The following SEL1L variants were observed in gnomAD, a reference collection of about 807,000 sequenced individuals.
SEL1L encodes SEL1L adaptor subunit of SYVN1 ubiquitin ligase.
In SEL1L, 52 loss-of-function variants were observed where a neutral mutation model predicts 109.8. The observed-to-expected ratio is 0.47, with a 90% CI of 0.38 to 0.60. SEL1L has a LOEUF of 0.60. Ranked by LOEUF, SEL1L falls within the 20% of genes least tolerant of loss-of-function variation. The probability of loss-of-function intolerance (pLI) is 0.00; values close to 1 mark genes in which losing one functional copy is unlikely to be tolerated. For synonymous variants in SEL1L, 373 were observed against 339.6 expected (o/e 1.10, Z -1.08); for missense variants, 749 against 962.2 (o/e 0.78, Z 2.93).
intron 1 of SEL1L, among the ~76,000 whole-genome samples, chr14:81,531,062 T>A (rs1885301991): frequency 6.6e-6 from 1 of 152,178 alleles, no homozygotes; most frequent in Non-Finnish European, 1.5e-5. Flanking sequence ...GGTGAGTGAG[T>A]GAGTGAATGT....
At chr14:81,486,937 TG>T (rs1208193726) in intron 16 of SEL1L, among the ~76,000 whole-genome samples, 3 of 151,924 alleles carry the variant, frequency 2.0e-5, no homozygotes, top group African/African-American at 4.8e-5. Context: ...CATTCCTTTT[TG>T]GAACATTCAT....
intron 3 of SEL1L, among the ~76,000 whole-genome samples, chr14:81,515,140 T>C (rs1884648642): frequency 6.6e-6 from 1 of 152,014 alleles, no homozygotes; most frequent in African/African-American, 2.4e-5. Context: ...CAAAGAAATC[T>C]CCAAAGGACC....
At chr14:81,518,861 T>C (rs1195250004) in intron 3 of SEL1L, among the ~76,000 whole-genome samples, 3 of 152,088 alleles carry the variant, frequency 2.0e-5, no homozygotes, top group African/African-American at 7.2e-5. Flanking sequence ...AACTCTGCTA[T>C]AAAGATGCCT....
chr14:81,509,386 C>G (rs1227971175), intron 3 of SEL1L, among the ~76,000 whole-genome samples: 2 of 152,130 alleles, frequency 1.3e-5, no homozygotes, highest in African/African-American at 4.8e-5. Context: ...TAACCAGTAT[C>G]AAATCTGACA....
chr14:81,495,179 C>A (rs1440138477), intron 10 of SEL1L, 42 bp from the exon 11 acceptor site: 20 of 1,562,822 alleles, frequency 1.3e-5, no homozygotes, highest in Non-Finnish European at 1.8e-5. Context: ...GTGGTACCAT[C>A]TGGCACACAA....
intron 18 of SEL1L, 80 bp downstream of exon 18, chr14:81,485,589 GCTT>G: frequency 8.3e-7 from 1 of 1,207,520 alleles, no homozygotes; most frequent in East Asian, 2.3e-5. Context: ...ACAGTACTCG[GCTT>G]CATGATTTAA....
intron 3 of SEL1L, among the ~76,000 whole-genome samples, chr14:81,518,360 T>C (rs1003548324): frequency 6.6e-6 from 1 of 150,378 alleles, no homozygotes; most frequent in Non-Finnish European, 1.5e-5. Context: ...ATAGGTAAAA[T>C]GTGTTTTAAA....
chr14:81,477,081 A>G lies in SEL1L; in HGVS notation c.2276T>C (p.Ile759Thr). Residue 759 changes from isoleucine to threonine, a missense_variant, in exon 21 of 21, where the codon ATA becomes ACA. Physicochemically the swap from Ile to Thr is moderately conservative, Grantham distance 89. This residue lies in a region of SEL1L where 383 missense variants were observed against 562.5 expected (regional missense o/e 0.68). Transcript: ENST00000336735. ...TTGGTGCTGCCTTTGCCTGTAAGCT[A>G]TGACTGTTCCCAACAGCAGCGCAAT... ...TIIALLLGTV[I>T]AYRQRQHQDM... 1 of 1,614,184 alleles carries G rather than the reference A, an allele frequency of 6.2e-7. No individual in the cohort carries two copies. Among genetic ancestry groups the G allele is most frequent in the Non-Finnish European group, 8.5e-7 (1 of 1,180,024 alleles).
rs1884303563 is a variant in SEL1L at position 81,507,815 on chromosome 14, T to C, written c.341-1574A>G. 2.0e-5 allele frequency among the ~76,000 whole-genome samples: 3 copies of C among 152,310 alleles called. No individual in the cohort carries two copies. The South Asian group carries it at 6.2e-4, about 32-fold the overall frequency. ...GGTATGAGCCCATGTCAACTTCCAC[T>C]GGTTGCTTTTACATGGAGAATTTAA... On this transcript the variant is annotated intron_variant, in intron 3 of 20. Transcript: ENST00000336735.
At chr14:81,515,704 CCT>C (rs752449751) in intron 3 of SEL1L, among the ~76,000 whole-genome samples, 3 of 152,182 alleles carry the variant, frequency 2.0e-5, no homozygotes, top group Non-Finnish European at 4.4e-5. Flanking sequence ...AACATATTCC[CCT>C]GTCACCTGAC....
At chr14:81,492,958 A>T (rs34584033) in intron 11 of SEL1L, among the ~76,000 whole-genome samples, 1 of 152,192 alleles carries the variant, frequency 6.6e-6, no homozygotes, top group East Asian at 1.9e-4. Context: ...GACATGGAGC[A>T]TATTTTCATT....
intron 6 of SEL1L, 21 bp downstream of exon 6, chr14:81,502,700 C>G: frequency 6.2e-7 from 1 of 1,610,126 alleles, no homozygotes; most frequent in Non-Finnish European, 8.5e-7. Context: ...CAGAGAGATT[C>G]TTCACTGAGA....
chr14:81,526,164 T>C (rs1475978734), intron 3 of SEL1L, among the ~76,000 whole-genome samples: 1 of 152,154 alleles, frequency 6.6e-6, no homozygotes, highest in Non-Finnish European at 1.5e-5. Flanking sequence ...ATTAATAATT[T>C]TTAAAAGGAT....
At chr14:81,511,796 C>CAG (rs1884487431) in intron 3 of SEL1L, among the ~76,000 whole-genome samples, 1 of 152,156 alleles carries the variant, frequency 6.6e-6, no homozygotes, top group Non-Finnish European at 1.5e-5. Flanking sequence ...AACTCAGTTC[C>CAG]TTTTGTGCCA....
chr14:81,490,271 C>T, intron 13 of SEL1L, 117 bp downstream of exon 13: 1 of 699,480 alleles, frequency 1.4e-6, no homozygotes. Context: ...ACTTAATATG[C>T]AGTTTCAATA....
At chr14:81,483,367 T>C (rs1329269675) in intron 19 of SEL1L, among the ~76,000 whole-genome samples, 1 of 152,214 alleles carries the variant, frequency 6.6e-6, no homozygotes, top group African/African-American at 2.4e-5. Context: ...ACTAGTAATA[T>C]CTCATGAATT....
chr14:81,514,590 G>A (rs1884623048), intron 3 of SEL1L, among the ~76,000 whole-genome samples: 1 of 152,194 alleles, frequency 6.6e-6, no homozygotes, highest in South Asian at 2.1e-4. Flanking sequence ...GGTCCTCTTT[G>A]TGGTCTAGGA....
At chr14:81,513,576 C>T (rs867477985) in intron 3 of SEL1L, among the ~76,000 whole-genome samples, 9 of 152,126 alleles carry the variant, frequency 5.9e-5, no homozygotes, top group Non-Finnish European at 1.0e-4. Flanking sequence ...TTGGCACCCA[C>T]GAAGGGACAA....
At chr14:81,521,000 G>A (rs1322380108) in intron 3 of SEL1L, among the ~76,000 whole-genome samples, 2 of 152,090 alleles carry the variant, frequency 1.3e-5, no homozygotes, top group Non-Finnish European at 2.9e-5. Flanking sequence ...GGCAGTCACA[G>A]ACTTCTCTAC....
Sources: gnomAD v4.1 joint callset for allele counts (sites outside exome capture counted in the v4.1 genomes callset) on GRCh38, gnomAD v4.1.1 for gene constraint, gnomAD v4.1.1 regional missense constraint, MANE v1.5 for transcripts, NCBI Gene and HGNC (gene_info 2026-07-23, HGNC 2026-07-21) for gene names.